Variants in CWC25 observed in about 807,000 individuals in gnomAD.
The protein encoded by CWC25 is pre-mRNA-splicing factor CWC25 homolog.
A neutral mutation model predicts 54.6 loss-of-function variants in CWC25; 31 were observed. The observed-to-expected ratio is 0.57, with a 90% CI of 0.43 to 0.77. The LOEUF (loss-of-function observed/expected upper bound fraction) is 0.77. Among genes scored for constraint, CWC25 ranks in the 30% least tolerant of loss-of-function variants. The probability of loss-of-function intolerance (pLI) is 0.00; values close to 1 mark genes in which losing one functional copy is unlikely to be tolerated. For missense variants in CWC25, 453 were observed against 529.3 expected (o/e 0.86, Z 1.41); for synonymous variants, 151 against 187.0 (o/e 0.81, Z 1.57).
intron 5 of CWC25, among the ~76,000 whole-genome samples, chr17:38,810,005 C>A (rs1352287679): frequency 6.6e-6 from 1 of 152,134 alleles, no homozygotes; most frequent in Non-Finnish European, 1.5e-5. Context: ...ACACCTTCTC[C>A]TCTCACTTCA....
intron 6 of CWC25, among the ~76,000 whole-genome samples, chr17:38,809,435 A>AC (rs984479215): frequency 2.0e-5 from 3 of 151,854 alleles, no homozygotes; most frequent in Non-Finnish European, 4.4e-5. Flanking sequence ...TCAAAAAAAA[A>AC]AAAAAACAAA....
At chr17:38,823,030 G>A (rs779436948) in intron 1 of CWC25, among the ~76,000 whole-genome samples, 3 of 151,506 alleles carry the variant, frequency 2.0e-5, no homozygotes, top group South Asian at 2.1e-4. Context: ...TAGTAGAGAC[G>A]GGTTTCACCG....
At chr17:38,806,216 GA>G in intron 8 of CWC25, 80 bp downstream of exon 8, 1 of 1,215,294 alleles carries the variant, frequency 8.2e-7, no homozygotes, top group Non-Finnish European at 1.2e-6. Flanking sequence ...GGTAATGATG[GA>G]TTATCCATTT....
intron 1 of CWC25, among the ~76,000 whole-genome samples, chr17:38,822,941 C>T (rs941781426): frequency 4.0e-5 from 6 of 150,588 alleles, no homozygotes; most frequent in Non-Finnish European, 8.9e-5. Context: ...AGGTTCACGC[C>T]ATTCTCCTGC....
At position 38,802,711 on chromosome 17, in the gene CWC25, C is replaced by T. The variant is rs772429837; in HGVS notation, c.1152G>A (p.Gly384=). The change falls in exon 9 of 10, where the codon GGG becomes GGA. Residue 384 remains glycine, a synonymous_variant. Coordinates refer to ENST00000614790, the MANE Select transcript of CWC25 (RefSeq NM_017748.5). ...QRLEKLDSRD[G]KFIHRMKLES... ...GAAGATGCACTCACTGGATGAACTTCCCATCCCGGGAGTCCAGCTTCTCTA... is the reference window on the plus strand; with the variant it reads ...GAAGATGCACTCACTGGATGAACTTTCCATCCCGGGAGTCCAGCTTCTCTA... The T allele has an allele frequency of 1.2e-6, 2 of 1,613,980 alleles. No homozygotes were observed. The highest frequency in any genetic ancestry group is 3.3e-5 in the Admixed American group (2 of 60,006).
chr17:38,812,927 T>G, intron 3 of CWC25, 63 bp from the exon 4 acceptor site: 1 of 925,334 alleles, frequency 1.1e-6, no homozygotes, highest in Non-Finnish European at 1.7e-6. Context: ...TGGAGTAACC[T>G]TTTCTCCAAA....
intron 4 of CWC25, among the ~76,000 whole-genome samples, chr17:38,810,920 C>CAAAAA (rs71352314): frequency 7.0e-5 from 5 of 71,388 alleles, no homozygotes; most frequent in Non-Finnish European, 1.0e-4. Context: ...AACTGTGTCT[C>CAAAAA]AAAAAAAAAA....
At chr17:38,823,347 A>G (rs1912008024) in intron 1 of CWC25, among the ~76,000 whole-genome samples, 1 of 150,234 alleles carries the variant, frequency 6.7e-6, no homozygotes. Flanking sequence ...TTTAGTAGAG[A>G]CGGGGTTTCA....
intron 2 of CWC25, 123 bp downstream of exon 2, chr17:38,820,778 A>C: frequency 8.6e-7 from 1 of 1,162,104 alleles, no homozygotes; most frequent in Non-Finnish European, 1.2e-6. Flanking sequence ...CTTAGAATCC[A>C]GGTGAGTCTG....
At chr17:38,811,028 C>T (rs546052727) in intron 4 of CWC25, among the ~76,000 whole-genome samples, 5 of 146,628 alleles carry the variant, frequency 3.4e-5, no homozygotes, top group African/African-American at 1.3e-4. Context: ...GTCAGGAGTT[C>T]GAGACCACCC....
chr17:38,812,669 C>A, intron 4 of CWC25, 126 bp downstream of exon 4: 2 of 582,714 alleles, frequency 3.4e-6, no homozygotes. Context: ...ACAACATGGT[C>A]TCTAAAAGAC....
intron 3 of CWC25, among the ~76,000 whole-genome samples, chr17:38,813,548 C>CAAAA (rs35706016): frequency 9.7e-6 from 1 of 103,134 alleles, no homozygotes; most frequent in African/African-American, 3.4e-5. Context: ...GAGATTGTCT[C>CAAAA]AAAAAAAAAA....
intron 1 of CWC25, 104 bp downstream of exon 1, chr17:38,825,062 C>A: frequency 9.0e-7 from 1 of 1,112,838 alleles, no homozygotes; most frequent in Non-Finnish European, 1.2e-6. Context: ...CCGGCGAAAG[C>A]AAAGCTGCGT....
intron 1 of CWC25, among the ~76,000 whole-genome samples, chr17:38,822,111 T>G (rs1018687210): frequency 6.6e-6 from 1 of 151,826 alleles, no homozygotes; most frequent in Non-Finnish European, 1.5e-5. Flanking sequence ...TTGCCTAGGC[T>G]GGAGTACAAT....
chr17:38,809,696 C>G lies in CWC25; in HGVS notation c.690+6G>C, dbSNP rs547175947. The G allele has an allele frequency of 8.1e-6, 13 of 1,613,654 alleles. No individual in the cohort carries two copies. The highest frequency in any genetic ancestry group is 1.6e-4 in the Middle Eastern group (1 of 6,062). ...GTCACTCCTTTCAAGAAGCCCACAT[C>G]CCTACCTGTAAGCCATATCCAGGGA... On this transcript the variant is annotated splice_donor_region_variant and intron_variant, in intron 6 of 9. Transcript: ENST00000614790.
chr17:38,811,578 A>C (rs529238236), intron 4 of CWC25, among the ~76,000 whole-genome samples: 2 of 150,832 alleles, frequency 1.3e-5, no homozygotes, highest in Admixed American at 1.3e-4. Flanking sequence ...TGAGACCCCT[A>C]TCAGTCTCCT....
intron 2 of CWC25, among the ~76,000 whole-genome samples, chr17:38,819,631 CA>C (rs1911844516): frequency 6.6e-6 from 1 of 151,506 alleles, no homozygotes; most frequent in Non-Finnish European, 1.5e-5. Context: ...CTCGGCCTCC[CA>C]AAGTGCTAGA....
intron 3 of CWC25, among the ~76,000 whole-genome samples, chr17:38,813,880 G>A (rs1012739948): frequency 6.6e-6 from 1 of 151,048 alleles, no homozygotes; most frequent in Admixed American, 6.6e-5. Flanking sequence ...TTGTTTTTTC[G>A]AGACGGAGTC....
At chr17:38,819,704 A>G (rs931025759) in intron 2 of CWC25, among the ~76,000 whole-genome samples, 22 of 146,908 alleles carry the variant, frequency 1.5e-4, no homozygotes, top group African/African-American at 5.6e-4. Flanking sequence ...TTTTTTTGAG[A>G]TGGAGTCTCA....
Sources: allele counts gnomAD v4.1 joint callset (sites outside exome capture counted in the v4.1 genomes callset), GRCh38; gene constraint gnomAD v4.1.1; transcripts MANE v1.5; gene names NCBI Gene and HGNC (gene_info 2026-07-23, HGNC 2026-07-21).